Variants in NAV2 observed in about 807,000 individuals in gnomAD.
The protein encoded by NAV2 is neuron navigator 2, also known as helicase, APC down-regulated 1.
NAV2 carries 54 observed loss-of-function variants against 223.2 expected under a neutral mutation model. The observed-to-expected ratio is 0.24, with a 90% CI of 0.19 to 0.30. The LOEUF (loss-of-function observed/expected upper bound fraction) is 0.30. NAV2 is among the 10% of genes least tolerant of loss of function. The pLI, the probability that NAV2 is intolerant of heterozygous loss-of-function variation, is 1.00. For synonymous variants in NAV2, 1,279 were observed against 1,239.3 expected (o/e 1.03, Z -0.67); for missense variants, 2,806 against 3,147.5 (o/e 0.89, Z 2.60).
rs189620648 is a variant in NAV2 at position 19,915,889 on chromosome 11, T to G, written c.932-17287T>G. 9.3e-4 allele frequency among the ~76,000 whole-genome samples: 141 copies of G among 152,276 alleles called. 2 individuals carry two copies. Among genetic ancestry groups the G allele is most frequent in the Admixed American group, 3.3e-3 (50 of 15,296 alleles). On this transcript the variant is annotated intron_variant, in intron 6 of 37. Coordinates refer to ENST00000349880, the MANE Select transcript of NAV2 (RefSeq NM_145117.5). ...AGTACTTTAATATTTGTTGGTATAG[T>G]GAATAAATGAGTGAGCTATAGAGTA...
rs978303039 is a variant in NAV2, at chr11:20,062,437, T to C, written c.4884+78T>C. 6.4e-6 allele frequency: 7 copies of C among 1,088,818 alleles called. No homozygotes were observed. The East Asian group carries it at 9.5e-5, about 15-fold the overall frequency. The allele number at this position is 1,088,818 out of a possible 1,614,324, so 67.4% of individuals were successfully genotyped here. ...TATCAAATGTGTCAAGAATAAAATATATGCATTTATCCTAGGGAAAGCATT... is the reference window on the plus strand; with the variant it reads ...TATCAAATGTGTCAAGAATAAAATACATGCATTTATCCTAGGGAAAGCATT... On this transcript the variant is annotated intron_variant, in intron 20 of 37. Transcript: ENST00000349880.
At chr11:20,051,437 C>A (rs2057999826) in intron 17 of NAV2, 104 bp downstream of exon 17, 1 of 1,003,444 alleles carries the variant, frequency 1.0e-6, no homozygotes, top group Admixed American at 1.7e-5. Context: ...GCTGGGGTCC[C>A]CGCTTTGACC....
intron 1 of NAV2, among the ~76,000 whole-genome samples, chr11:19,446,128 C>A (rs999670940): frequency 6.6e-6 from 1 of 152,164 alleles, no homozygotes; most frequent in Non-Finnish European, 1.5e-5. Context: ...GGAAACAACA[C>A]AAGAAAAACA....
intron 3 of NAV2, among the ~76,000 whole-genome samples, chr11:19,859,286 G>A (rs1218959537): frequency 3.4e-5 from 5 of 149,182 alleles, no homozygotes; most frequent in African/African-American, 7.4e-5. Context: ...AGGACCCTGC[G>A]GCCTTCCGCA....
chr11:19,434,765 T>C (rs1851154188), intron 1 of NAV2, among the ~76,000 whole-genome samples: 1 of 152,056 alleles, frequency 6.6e-6, no homozygotes, highest in African/African-American at 2.4e-5. Flanking sequence ...TCGTTAACAT[T>C]ATACATGGAA....
intron 1 of NAV2, among the ~76,000 whole-genome samples, chr11:19,763,775 GTTTTTTTGTTTTTTTGT>G (rs1415341574): frequency 8.4e-6 from 1 of 119,100 alleles, no homozygotes; most frequent in Non-Finnish European, 1.7e-5. Context: ...TAGCGTTGTT[GTTTTTTTGTTTTTTTGT>G]TTTTTTTGTT....
At chr11:20,019,975 G>A (rs957297331) in intron 11 of NAV2, among the ~76,000 whole-genome samples, 9 of 149,740 alleles carry the variant, frequency 6.0e-5, no homozygotes, top group African/African-American at 2.2e-4. Flanking sequence ...AAGGAGTGGA[G>A]GAGAATATGG....
chr11:20,047,503 GA>G (rs987001869), intron 14 of NAV2, among the ~76,000 whole-genome samples: 21 of 151,928 alleles, frequency 1.4e-4, no homozygotes, highest in African/African-American at 5.1e-4. Flanking sequence ...GCAAAAGTCA[GA>G]AAAAAAAGTG....
At chr11:19,894,977 G>A (rs942623117) in intron 6 of NAV2, among the ~76,000 whole-genome samples, 11 of 151,774 alleles carry the variant, frequency 7.2e-5, no homozygotes, top group South Asian at 2.1e-4. Flanking sequence ...TGATCCGCCC[G>A]CCTCTGCCTC....
intron 5 of NAV2, chr11:19,884,265 C>T (rs2063397085): frequency 6.4e-7 from 1 of 1,552,312 alleles, no homozygotes; most frequent in Non-Finnish European, 8.9e-7. Flanking sequence ...TCATTCAGCT[C>T]TTCCACTTTT....
chr11:19,982,859 G>A (rs2050422843), intron 10 of NAV2, among the ~76,000 whole-genome samples: 1 of 152,142 alleles, frequency 6.6e-6, no homozygotes, highest in South Asian at 2.1e-4. Flanking sequence ...GCTACAGGTA[G>A]AAGAAATTCA....
chr11:19,954,130 G>A (rs947994596), intron 10 of NAV2, among the ~76,000 whole-genome samples: 3 of 152,146 alleles, frequency 2.0e-5, no homozygotes, highest in Non-Finnish European at 4.4e-5. Flanking sequence ...TAGAGGCTGT[G>A]GTCTCAATTC....
intron 1 of NAV2, among the ~76,000 whole-genome samples, chr11:19,454,671 C>T (rs532402995): frequency 6.6e-6 from 1 of 152,244 alleles, no homozygotes; most frequent in South Asian, 2.1e-4. Context: ...GTGGGCCAGG[C>T]TGATGATGGA....
At chr11:19,614,545 G>A (rs1401302984) in intron 1 of NAV2, among the ~76,000 whole-genome samples, 1 of 152,178 alleles carries the variant, frequency 6.6e-6, no homozygotes, top group East Asian at 1.9e-4. Flanking sequence ...GCACCAGTGT[G>A]TGGTGCAGTT....
At chr11:20,030,105 G>T (rs1224677211) in intron 11 of NAV2, among the ~76,000 whole-genome samples, 1 of 152,138 alleles carries the variant, frequency 6.6e-6, no homozygotes, top group Non-Finnish European at 1.5e-5. Context: ...GGAGGCCGTG[G>T]GGTTGTTTTG....
chr11:19,391,113 C>T (rs1048912933), intron 1 of NAV2, among the ~76,000 whole-genome samples: 1 of 152,146 alleles, frequency 6.6e-6, no homozygotes, highest in Admixed American at 6.5e-5. Flanking sequence ...CCAAAGCTTT[C>T]GTTCTCTAGT....
intron 1 of NAV2, among the ~76,000 whole-genome samples, chr11:19,777,218 G>A (rs1370967977): frequency 6.6e-6 from 1 of 151,398 alleles, no homozygotes; most frequent in Non-Finnish European, 1.5e-5. Flanking sequence ...CGGGGAGCGA[G>A]CGAGGGAGGC....
chr11:19,746,709 A>G (rs1413190475), intron 1 of NAV2, among the ~76,000 whole-genome samples: 1 of 151,860 alleles, frequency 6.6e-6, no homozygotes, highest in African/African-American at 2.4e-5. Flanking sequence ...CTCTTTTTGA[A>G]TCTTGCTCTC....
chr11:19,655,660 A>G (rs1298481160), intron 1 of NAV2, among the ~76,000 whole-genome samples: 2 of 145,606 alleles, frequency 1.4e-5, no homozygotes, highest in Non-Finnish European at 1.5e-5. Flanking sequence ...CAAACACTGC[A>G]TTGTTCTCAC....
Sources: gnomAD v4.1 joint callset for allele counts (sites outside exome capture counted in the v4.1 genomes callset) on GRCh38, gnomAD v4.1.1 for gene constraint, MANE v1.5 for transcripts, NCBI Gene and HGNC (gene_info 2026-07-23, HGNC 2026-07-21) for gene names.